Variants in ZBTB21 observed in about 807,000 individuals in gnomAD.
The protein encoded by ZBTB21 is zinc finger and BTB domain-containing protein 21.
Under a neutral mutation model 39.8 loss-of-function variants are expected in ZBTB21, and 10 were observed. The ratio of observed to expected loss-of-function variants is 0.25; its 90% CI spans 0.16 to 0.43. The LOEUF is 0.43. Among genes scored for constraint, ZBTB21 ranks in the 20% least tolerant of loss-of-function variants. ZBTB21 has a pLI of 1.00. For synonymous variants in ZBTB21, 551 were observed against 498.8 expected, an observed-to-expected ratio of 1.10 and a Z score of -1.40; for missense variants, 1,221 against 1,296.3, an observed-to-expected ratio of 0.94 and a Z score of 0.89.
At position 41,990,982 on chromosome 21, in the gene ZBTB21, T is replaced by A; in HGVS notation, c.3114A>T (p.Thr1038=). ...FYHAPPLSAI[T]FKRQFMCKLC... ...GTTTACACATAAACTGTCTTTTAAA[T>A]GTGATTGCTGAAAGGGGTGGGGCAT... Residue 1038 remains threonine, a synonymous_variant, in exon 3 of 3, where the codon ACA becomes ACT. Coordinates refer to ENST00000310826, the MANE Select transcript of ZBTB21 (RefSeq NM_001098402.2). 6.5e-7 allele frequency: 1 copy of A among 1,535,610 alleles called. No homozygotes were observed. Among genetic ancestry groups the A allele is most frequent in the South Asian group, 1.3e-5 (1 of 77,228 alleles).
At position 41,990,039 on chromosome 21, in the gene ZBTB21, CA is replaced by C. The variant is rs2065629983; in HGVS notation, c.*855del. 6.6e-6 allele frequency: 1 copy of C among 152,140 alleles called. No homozygotes were observed. Among genetic ancestry groups the C allele is most frequent in the Non-Finnish European group, 1.5e-5 (1 of 68,012 alleles). The allele number at this position is 152,140 out of a possible 1,614,324, so 9.4% of individuals were successfully genotyped here. A position where few individuals can be genotyped will look rare whatever the true frequency, so the allele number is the denominator to read the frequency against. ...CTACACTCAGATTTTCAATTTGTGA[CA>C]GCATAAATCAGAGGAAATGAAATAT... On this transcript the variant is annotated 3_prime_UTR_variant, in exon 3 of 3. Transcript: ENST00000310826.
intron 2 of ZBTB21, 37 bp from the exon 3 acceptor site, chr21:41,994,145 AGT>A: frequency 6.6e-7 from 1 of 1,517,460 alleles, no homozygotes; most frequent in Non-Finnish European, 8.8e-7. Flanking sequence ...CAGATATTGC[AGT>A]GAAAAGTTCC....
intron 2 of ZBTB21, chr21:42,002,279 GCAGA>G (rs1003234773): frequency 6.0e-5 from 9 of 151,044 alleles, no homozygotes; most frequent in African/African-American, 2.0e-4. Context: ...TAGTCTGGCT[GCAGA>G]CAGACAATTA....
intron 2 of ZBTB21, among the ~76,000 whole-genome samples, chr21:41,994,782 C>T (rs888254536): frequency 6.7e-6 from 1 of 149,280 alleles, no homozygotes; most frequent in Non-Finnish European, 1.5e-5. Context: ...GGTGTCCCCA[C>T]CCAAATCTCC....
At chr21:42,005,896 A>C (rs115321119) in intron 1 of ZBTB21, among the ~76,000 whole-genome samples, 3 of 152,232 alleles carry the variant, frequency 2.0e-5, no homozygotes, top group African/African-American at 7.2e-5. Flanking sequence ...GCTAAAAGTT[A>C]TGGTGGAAAT....
intron 2 of ZBTB21, among the ~76,000 whole-genome samples, chr21:41,999,800 A>G (rs150082775): frequency 2.8e-4 from 43 of 152,324 alleles, no homozygotes; most frequent in African/African-American, 9.9e-4. Context: ...GCTGGGAGCC[A>G]TGTAAGATGA....
intron 2 of ZBTB21, among the ~76,000 whole-genome samples, chr21:41,994,590 T>C (rs1486999364): frequency 6.6e-6 from 1 of 152,224 alleles, no homozygotes. Context: ...AAAGCAGGTC[T>C]TGTGAGACCC....
In ZBTB21 at chr21:41,990,642, T is replaced by C. The variant is rs1024744093; in HGVS notation, c.*253A>G. ...GAACCATGCACACAATCAAGACTAA[T>C]CCAATTTCAACATTAATGAAATCAA... On this transcript the variant is annotated 3_prime_UTR_variant, in exon 3 of 3. Transcript: ENST00000310826. 2 of 295,378 alleles carry C rather than the reference T, an allele frequency of 6.8e-6. No individual in the cohort carries two copies. Among genetic ancestry groups the C allele is most frequent in the Non-Finnish European group, 1.2e-5 (2 of 161,838 alleles). The allele number at this position is 295,378 out of a possible 1,614,324, so 18.3% of individuals were successfully genotyped here. A position where few individuals can be genotyped will look rare whatever the true frequency, so the allele number is the denominator to read the frequency against.
intron 1 of ZBTB21, among the ~76,000 whole-genome samples, chr21:42,005,984 G>T (rs1029875399): frequency 1.3e-5 from 2 of 152,190 alleles, no homozygotes; most frequent in African/African-American, 4.8e-5. Context: ...TTTCAGCTGA[G>T]ACCTAAGATC....
At chr21:42,004,913 T>C (rs1334219189) in intron 1 of ZBTB21, among the ~76,000 whole-genome samples, 2 of 152,212 alleles carry the variant, frequency 1.3e-5, no homozygotes, top group Admixed American at 6.5e-5. Flanking sequence ...GATAGGAAGT[T>C]GCCTCTGAGT....
rs377723257 is a variant in ZBTB21 at position 42,007,271 on chromosome 21, G to A, written c.-79+2981C>T. 3.3e-5 allele frequency among the ~76,000 whole-genome samples: 5 copies of A among 152,294 alleles called. No individual in the cohort carries two copies. The South Asian group carries it at 8.3e-4, about 25-fold the overall frequency. On this transcript the variant is annotated intron_variant, in intron 1 of 2. Coordinates refer to ENST00000310826, the MANE Select transcript of ZBTB21 (RefSeq NM_001098402.2). ...TACTCTTCACTCCAATTAAATGCAC[G>A]AGTGAAAATTATGGCTGTTAGTTGT...
Position 41,993,338 on chromosome 21 carries a change from T to C in ZBTB21, c.758A>G (p.Asp253Gly), listed in dbSNP as rs534420079. ...CTGACCACTCACACCTGGTTTATCA[T>C]CCATAGCTTCTCTGTCTTGCAGAGG... ...SKPLQDREAM[D>G]DKPGVSGQLP... is the part of the protein sequence containing the mutation. The change falls in exon 3 of 3, where the codon GAT becomes GGT. Residue 253 changes from aspartate (D) to glycine (G), a missense_variant. Coordinates refer to ENST00000310826, the MANE Select transcript of ZBTB21 (RefSeq NM_001098402.2). The C allele has an allele frequency of 2.5e-6, 4 of 1,613,772 alleles. No homozygotes were observed. The highest frequency in any genetic ancestry group is 2.7e-5 in the African/African-American group (2 of 75,024).
At chr21:41,998,192 A>ATTTT (rs112739106) in intron 2 of ZBTB21, among the ~76,000 whole-genome samples, 1 of 122,230 alleles carries the variant, frequency 8.2e-6, no homozygotes, top group Non-Finnish European at 1.8e-5. Context: ...CATCCTTTTC[A>ATTTT]TTTTTTTTTT....
chr21:41,987,591 A>T lies in ZBTB21; in HGVS notation c.*3304T>A, dbSNP rs2065594885. 2 of 152,234 alleles carry T rather than the reference A, an allele frequency of 1.3e-5. No homozygotes were observed. The highest frequency in any genetic ancestry group is 2.4e-5 in the African/African-American group (1 of 41,456). The allele number at this position is 152,234 out of a possible 1,614,324, so 9.4% of individuals were successfully genotyped here. ...TGAGACATCGTAAATTGTCAAACTG[A>T]CTTGTAATCCAGTTAGATACAATTT... is the stretch of plus-strand genomic sequence containing the variant. On this transcript the variant is annotated 3_prime_UTR_variant, in exon 3 of 3. Coordinates refer to ENST00000310826, the MANE Select transcript of ZBTB21 (RefSeq NM_001098402.2).
chr21:42,001,099 A>C (rs2065811757), intron 2 of ZBTB21, among the ~76,000 whole-genome samples: 1 of 152,214 alleles, frequency 6.6e-6, no homozygotes, highest in African/African-American at 2.4e-5. Flanking sequence ...TACAGATGAG[A>C]AAACTGAGGC....
In ZBTB21 at chr21:41,991,406, G is replaced by C. The variant is rs1226908869; in HGVS notation, c.2690C>G (p.Pro897Arg). ...EEEAPEASTA[P>R]KEAGPSKEAS... is the part of the protein sequence containing the mutation. Reference sequence around the variant, plus strand: ...TTCTTTGCTAGGACCCGCTTCTTTGGGGGCTGTGCTGGCCTCGGGTGCCTC... The same window carrying C: ...TTCTTTGCTAGGACCCGCTTCTTTGCGGGCTGTGCTGGCCTCGGGTGCCTC... Residue 897 changes from proline (P) to arginine (R), a missense_variant, in exon 3 of 3, where the codon CCC (proline) becomes CGC (arginine). Coordinates refer to ENST00000310826, the MANE Select transcript of ZBTB21 (RefSeq NM_001098402.2). This position sits in a 1 kb window ranked among gnomAD's most constrained non-coding sequence, Gnocchi z 4.9. 6.2e-7 allele frequency: 1 copy of C among 1,608,808 alleles called. No homozygotes were observed. The highest frequency in any genetic ancestry group is 1.1e-5 in the South Asian group (1 of 90,496).
At position 41,993,469 on chromosome 21, in the gene ZBTB21, C is replaced by T. The variant is rs374868152; in HGVS notation, c.627G>A (p.Pro209=). Residue 209 remains proline (P), a synonymous_variant, in exon 3 of 3, where the codon CCG becomes CCA. Transcript: ENST00000310826. ...HNLSLTEKSW[P]KDSSVVYAKS... ...TTGCATATACCACAGAACTATCTTT[C>T]GGCCAACTCTTTTCAGTTAATGACA... is the stretch of plus-strand genomic sequence containing the variant. 22 of 1,614,092 alleles carry T rather than the reference C, an allele frequency of 1.4e-5. No homozygotes were observed. Among genetic ancestry groups the T allele is most frequent in the East Asian group, 4.5e-5 (2 of 44,898 alleles).
chr21:42,002,076 G>A (rs2065824363), intron 2 of ZBTB21, among the ~76,000 whole-genome samples: 1 of 152,164 alleles, frequency 6.6e-6, no homozygotes, highest in African/African-American at 2.4e-5. Flanking sequence ...GCTAAAATAT[G>A]TCATCTGAGG....
rs1005103551 is a variant in ZBTB21, at chr21:41,987,098, T to C, written c.*3797A>G. ...CATAAGCATATATTCAATGGAAAACTTGAAATAGCCTTGGACTAATGTTCT... is the reference window on the plus strand; with the variant it reads ...CATAAGCATATATTCAATGGAAAACCTGAAATAGCCTTGGACTAATGTTCT... On this transcript the variant is annotated 3_prime_UTR_variant, in exon 3 of 3. Transcript: ENST00000310826. 1.3e-5 allele frequency: 2 copies of C among 152,614 alleles called. No homozygotes were observed. Among genetic ancestry groups the C allele is most frequent in the African/African-American group, 2.4e-5 (1 of 41,456 alleles). The allele number at this position is 152,614 out of a possible 1,614,324, so 9.5% of individuals were successfully genotyped here. A position where few individuals can be genotyped will look rare whatever the true frequency, so the allele number is the denominator to read the frequency against.
Sources: allele counts gnomAD v4.1 joint callset (sites outside exome capture counted in the v4.1 genomes callset), GRCh38; gene constraint gnomAD v4.1.1; non-coding constraint Gnocchi (gnomAD v3.1); transcripts MANE v1.5; gene names NCBI Gene and HGNC (gene_info 2026-07-23, HGNC 2026-07-21).